Variants in EML6 observed in about 807,000 individuals in gnomAD.
EML6 encodes the protein EMAP like 6, also known as echinoderm microtubule-associated protein-like 6.
In EML6, 154 loss-of-function variants were observed where a neutral mutation model predicts 240.1. The observed-to-expected ratio is 0.64, with a 90% CI of 0.56 to 0.73. The LOEUF (loss-of-function observed/expected upper bound fraction) is 0.73, where lower values mean the gene tolerates loss of function less well. Ranked by LOEUF, EML6 falls within the 30% of genes least tolerant of loss-of-function variation. The probability of loss-of-function intolerance (pLI) is 0.00; values close to 1 mark genes in which losing one functional copy is unlikely to be tolerated. For missense variants in EML6, 2,964 were observed against 2,474.6 expected (o/e 1.20, Z -4.20); for synonymous variants, 1,148 against 899.0 (o/e 1.28, Z -4.95).
chr2:54,860,896 C>T (rs1444654013), intron 12 of EML6, among the ~76,000 whole-genome samples: 1 of 152,210 alleles, frequency 6.6e-6, no homozygotes, highest in Non-Finnish European at 1.5e-5. Context: ...TCCTAAACCT[C>T]TTTGCTCTGG....
At chr2:54,932,916 G>T (rs1404290943) in intron 28 of EML6, among the ~76,000 whole-genome samples, 2 of 152,126 alleles carry the variant, frequency 1.3e-5, no homozygotes, top group Admixed American at 1.3e-4. Context: ...TTTCAAGGGG[G>T]TCACCCAACC....
In EML6 at chr2:54,912,122, A is replaced by G. The variant is rs996071076; in HGVS notation, c.3498+1080A>G. Among the ~76,000 whole-genome samples, 7 of 152,218 alleles carry G rather than the reference A, an allele frequency of 4.6e-5. No individual in the cohort carries two copies. The South Asian group carries it at 6.2e-4, about 14-fold the overall frequency. ...GTAAGGTTCTCCCTAAGACATTTGG[A>G]CACGTGTACATTTGCATTGTCATTG... On this transcript the variant is annotated intron_variant, in intron 25 of 41. Coordinates refer to ENST00000356458, the MANE Select transcript of EML6 (RefSeq NM_001039753.4).
chr2:54,800,119 C>G (rs561491148), intron 2 of EML6, among the ~76,000 whole-genome samples: 1 of 152,146 alleles, frequency 6.6e-6, no homozygotes, highest in Admixed American at 6.5e-5. Context: ...GTGGCACACG[C>G]CTGTAATCCC....
intron 2 of EML6, among the ~76,000 whole-genome samples, chr2:54,776,180 G>GT (rs1229090860): frequency 4.6e-5 from 7 of 152,062 alleles, no homozygotes; most frequent in Non-Finnish European, 1.0e-4. Flanking sequence ...CCAAAGCCAT[G>GT]TTTTTTAGTT....
rs1237267166 is a variant in EML6 at position 54,844,254 on chromosome 2, G to T, written c.1049+6G>T. 5 of 1,550,432 alleles carry T rather than the reference G, an allele frequency of 3.2e-6. No homozygotes were observed. Among genetic ancestry groups the T allele is most frequent in the Non-Finnish European group, 4.4e-6 (5 of 1,146,032 alleles). The stretch of plus-strand genomic sequence containing the variant: ...AGCGATGACCGCTCTGTCAGGTGAG[G>T]CCCTACCGCCGTCACCTCTCTGACT... On this transcript the variant is annotated splice_donor_region_variant and intron_variant, in intron 8 of 41. Coordinates refer to ENST00000356458, the MANE Select transcript of EML6 (RefSeq NM_001039753.4).
chr2:54,882,581 G>C (rs1184410689), intron 17 of EML6: 1 of 151,914 alleles, frequency 6.6e-6, no homozygotes, highest in Non-Finnish European at 1.5e-5. Flanking sequence ...GACAAAGGCC[G>C]GGCGCGGTAG....
intron 26 of EML6, 77 bp from the exon 27 acceptor site, chr2:54,928,236 A>G: frequency 9.0e-7 from 1 of 1,112,166 alleles, no homozygotes; most frequent in South Asian, 1.3e-5. Flanking sequence ...TGTATCCAGT[A>G]GAAACTAACA....
intron 25 of EML6, among the ~76,000 whole-genome samples, chr2:54,916,083 G>T (rs1235128924): frequency 1.3e-5 from 2 of 152,188 alleles, no homozygotes; most frequent in African/African-American, 2.4e-5. Context: ...AATAGAATAT[G>T]AATAGCTCTT....
chr2:54,954,436 G>A (rs971287496), intron 32 of EML6, among the ~76,000 whole-genome samples: 6 of 152,108 alleles, frequency 3.9e-5, no homozygotes, highest in East Asian at 1.9e-4. Flanking sequence ...CCTCCTCCTC[G>A]GAAGGCAGCA....
Position 54,813,385 on chromosome 2 carries a change from T to A in EML6, c.351T>A (p.Asp117Glu). ...TTGCCTGCCTGGCTTTTGACTCAGA[T>A]GGACAGGTGTGTATCTTTTTTTAGT... Reference protein sequence around the residue: ...HGVACLAFDSDGQRLASVGLD... With the variant: ...HGVACLAFDSEGQRLASVGLD... The change falls in exon 3 of 42, where the codon GAT (aspartate) becomes GAA (glutamate). Residue 117 changes from aspartate to glutamate, a missense_variant. Physicochemically the swap from Asp to Glu is conservative, Grantham distance 45. Transcript: ENST00000356458. The A allele has an allele frequency of 1.3e-6, 2 of 1,550,950 alleles. No individual in the cohort carries two copies. The highest frequency in any genetic ancestry group is 1.4e-5 in the African/African-American group (1 of 73,142).
chr2:54,896,739 C>T (rs1421357228), intron 21 of EML6, among the ~76,000 whole-genome samples: 2 of 152,158 alleles, frequency 1.3e-5, no homozygotes, highest in African/African-American at 2.4e-5. Context: ...GAGTGAATCC[C>T]CAAATCCCAC....
rs773919706 is a variant in EML6, at chr2:54,903,404, A to T, written c.3311A>T (p.Asp1104Val). ...TGKYLAVASH[D>V]NFVDIYNVLT... Reference sequence around the variant, plus strand: ...AAATACCTTGCCGTGGCATCCCATGATAACTTTGTGGATATTTACAACGTA... The same window carrying T: ...AAATACCTTGCCGTGGCATCCCATGTTAACTTTGTGGATATTTACAACGTA... The change falls in exon 24 of 42, where the codon GAT (aspartate) becomes GTT (valine). Residue 1104 changes from aspartate (D) to valine (V), a missense_variant. By Grantham distance (152) the Asp-to-Val change is radical. Coordinates refer to ENST00000356458, the MANE Select transcript of EML6 (RefSeq NM_001039753.4). 1 of 1,551,828 alleles carries T rather than the reference A, an allele frequency of 6.4e-7. No individual in the cohort carries two copies. The highest frequency in any genetic ancestry group is 2.0e-5 in the Admixed American group (1 of 51,008).
chr2:54,879,710 T>A, intron 17 of EML6, 70 bp downstream of exon 17: 6 of 948,356 alleles, frequency 6.3e-6, no homozygotes, highest in Non-Finnish European at 9.7e-6. Flanking sequence ...TAGTTTTCAT[T>A]TTCTGGTAAG....
At chr2:54,816,926 T>TG in intron 4 of EML6, 41 bp downstream of exon 4, 2 of 1,279,354 alleles carry the variant, frequency 1.6e-6, no homozygotes, top group Non-Finnish European at 2.2e-6. Context: ...TTTCAGAACT[T>TG]GGGGGGACTT....
intron 30 of EML6, among the ~76,000 whole-genome samples, chr2:54,951,084 G>A (rs538242217): frequency 2.0e-5 from 3 of 152,282 alleles, no homozygotes; most frequent in African/African-American, 7.2e-5. Context: ...TGTAAGGAGT[G>A]GAGAAATTCC....
At chr2:54,808,829 A>G (rs1408910909) in intron 2 of EML6, among the ~76,000 whole-genome samples, 1 of 152,192 alleles carries the variant, frequency 6.6e-6, no homozygotes, top group African/African-American at 2.4e-5. Context: ...GACATCAGGA[A>G]GACATGCTTT....
Position 54,849,993 on chromosome 2 carries a change from C to A in EML6, c.1219C>A (p.Arg407=). Residue 407 remains arginine, a synonymous_variant, in exon 10 of 42, where the codon CGA becomes AGA. Transcript: ENST00000356458. ...DMTEVVHIKD[R]KEVIHEMKFS... ...GACAGAAGTAGTTCACATCAAAGATCGAAAAGAAGTCATTCATGAAATGAA... is the reference window on the plus strand; with the variant it reads ...GACAGAAGTAGTTCACATCAAAGATAGAAAAGAAGTCATTCATGAAATGAA... 1.3e-6 allele frequency: 2 copies of A among 1,551,308 alleles called. No homozygotes were observed. The highest frequency in any genetic ancestry group is 2.4e-5 in the East Asian group (1 of 40,914).
intron 17 of EML6, among the ~76,000 whole-genome samples, chr2:54,884,253 T>G (rs1671999163): frequency 6.8e-6 from 1 of 146,102 alleles, no homozygotes; most frequent in African/African-American, 2.5e-5. Flanking sequence ...TGGGAAGCTA[T>G]ATAGGGCAAG....
chr2:54,815,997 A>C (rs913714564), intron 3 of EML6, among the ~76,000 whole-genome samples: 1 of 152,232 alleles, frequency 6.6e-6, no homozygotes, highest in Non-Finnish European at 1.5e-5. Context: ...TACAAATGAG[A>C]AAAGTGAGAT....
Sources: gnomAD v4.1 joint callset for allele counts (sites outside exome capture counted in the v4.1 genomes callset) on GRCh38, gnomAD v4.1.1 for gene constraint, MANE v1.5 for transcripts, NCBI Gene and HGNC (gene_info 2026-07-23, HGNC 2026-07-21) for gene names.